Variants in GET1 observed in about 807,000 individuals in gnomAD.
The protein encoded by GET1 is congenital heart disease 5 protein.
A neutral mutation model predicts 22.6 loss-of-function variants in GET1; 20 were observed. The ratio of observed to expected loss-of-function variants is 0.89; its 90% confidence interval spans 0.62 to 1.29. The LOEUF is 1.29. Among genes scored for constraint, GET1 ranks in the 50% most tolerant of loss-of-function variants. GET1 has a pLI of 0.00. For missense variants in GET1, 209 were observed against 219.9 expected, an observed-to-expected ratio of 0.95 and a Z score of 0.31; for synonymous variants, 92 against 83.8, an observed-to-expected ratio of 1.10 and a Z score of -0.53.
At position 39,428,204 on chromosome 21, in the gene GET1, T is replaced by C. The variant is rs202237166; in HGVS notation, c.*24-28T>C. The C allele has an allele frequency of 1.1e-5, 17 of 1,597,418 alleles. No homozygotes were observed. The East Asian group carries it at 3.8e-4, about 36-fold the overall frequency. Reference sequence around the variant, plus strand: ...TTGGGAGATTTTAGAAACATTATACTTTTTCTTCTCCTTTTCTTTTACCAC... The same window carrying C: ...TTGGGAGATTTTAGAAACATTATACCTTTTCTTCTCCTTTTCTTTTACCAC... On this transcript the variant is annotated intron_variant, in intron 1 of 1. Coordinates refer to the GET1 transcript ENST00000478273.
At chr21:39,392,877 C>A in intron 3 of GET1, 24 of 341,652 alleles carry the variant, frequency 7.0e-5, no homozygotes, top group South Asian at 2.8e-4. Context: ...TGTGTTCATC[C>A]TAAAACAGTG....
At chr21:39,384,859 T>G (rs1268753165) in intron 1 of GET1, among the ~76,000 whole-genome samples, 2 of 152,124 alleles carry the variant, frequency 1.3e-5, no homozygotes, top group Admixed American at 1.3e-4. Context: ...CCCAGTTAGC[T>G]TTCCTAAACC....
chr21:39,392,148 T>C (rs551181679), intron 3 of GET1: 3 of 291,690 alleles, frequency 1.0e-5, no homozygotes, highest in Admixed American at 1.0e-4. Context: ...GCGAGAGGCT[T>C]ATAGATGACA....
At chr21:39,408,355 G>A (rs571590666), downstream of GET1, among the ~76,000 whole-genome samples, 12 of 152,294 alleles carry the variant, frequency 7.9e-5, no homozygotes, top group African/African-American at 2.9e-4. Flanking sequence ...TTTAAAACAT[G>A]ATGGAATTTA....
downstream of GET1, among the ~76,000 whole-genome samples, chr21:39,402,340 A>G (rs543664910): frequency 2.6e-5 from 4 of 152,298 alleles, no homozygotes; most frequent in South Asian, 4.1e-4. Flanking sequence ...CCTGGCCTCA[A>G]GTGATCTGCC....
chr21:39,416,492 AT>A (rs1408161371), intron 1 of GET1, among the ~76,000 whole-genome samples: 1 of 152,048 alleles, frequency 6.6e-6, no homozygotes, highest in Admixed American at 6.6e-5. Flanking sequence ...CAGACCTAGA[AT>A]TTTTTTAGGG....
chr21:39,407,150 C>A (rs918225548), downstream of GET1, among the ~76,000 whole-genome samples: 9 of 152,120 alleles, frequency 5.9e-5, no homozygotes, highest in Non-Finnish European at 1.2e-4. Flanking sequence ...TCACTTGAGC[C>A]CAGGAGGACA....
exon 2 of GET1, chr21:39,428,464 ATTTG>A: frequency 6.2e-7 from 1 of 1,608,418 alleles, no homozygotes; most frequent in Non-Finnish European, 8.5e-7. Flanking sequence ...GCTCATCTAT[ATTTG>A]TTTTTGTTAG....
intron 1 of GET1, chr21:39,423,546 T>A: frequency 7.1e-7 from 1 of 1,417,306 alleles, no homozygotes; most frequent in African/African-American, 1.4e-5. Flanking sequence ...TATGCAAATA[T>A]GCACATATGC....
chr21:39,382,593 C>T (rs2037622641), intron 1 of GET1, among the ~76,000 whole-genome samples: 1 of 152,188 alleles, frequency 6.6e-6, no homozygotes, highest in South Asian at 2.1e-4. Context: ...GTCAGGATTT[C>T]CTCCCCTTTT....
chr21:39,403,437 C>T (rs920884383), intron 4 of GET1, among the ~76,000 whole-genome samples: 1 of 151,968 alleles, frequency 6.6e-6, no homozygotes, highest in African/African-American at 2.4e-5. Context: ...CGCCATTCTC[C>T]CGCCTCAGCC....
downstream of GET1, among the ~76,000 whole-genome samples, chr21:39,398,189 G>T (rs1184673246): frequency 6.6e-6 from 1 of 152,168 alleles, no homozygotes; most frequent in Non-Finnish European, 1.5e-5. Flanking sequence ...GATACATTTT[G>T]CCCACAAAGG....
At chr21:39,392,734 A>T (rs1601627393) in intron 3 of GET1, among the ~76,000 whole-genome samples, 1 of 152,196 alleles carries the variant, frequency 6.6e-6, no homozygotes, top group African/African-American at 2.4e-5. Flanking sequence ...TTTTCCAAGG[A>T]TGGCTTTCGT....
downstream of GET1, among the ~76,000 whole-genome samples, chr21:39,409,371 G>A (rs113495662): frequency 4.4e-3 from 664 of 152,146 alleles, 7 homozygotes; most frequent in African/African-American, 0.016. This position sits in a 1 kb window ranked among gnomAD's most constrained non-coding sequence, Gnocchi z 4.2. Context: ...GGCAGCCCAA[G>A]CAGACGAATG....
downstream of GET1, chr21:39,409,919 T>C (rs967316231): frequency 7.3e-6 from 7 of 962,454 alleles, no homozygotes; most frequent in African/African-American, 1.2e-4. The surrounding 1 kb of genome is among the most constrained non-coding windows in gnomAD (Gnocchi z 4.2). Context: ...TATATACACA[T>C]ATAGTAATTC....
Position 39,390,695 on chromosome 21 carries a change from C to G in GET1, c.103-3C>G. The G allele has an allele frequency of 6.2e-7, 1 of 1,614,026 alleles. No homozygotes were observed. ...TGCTGATCCCCGTTGTCCGCCCTGC[C>G]AGATGTCCAGGGTGCTGCAGAAGGA... On this transcript the variant is annotated splice_polypyrimidine_tract_variant and splice_region_variant and intron_variant, in intron 1 of 4. Transcript: ENST00000649170.
At chr21:39,411,207 G>T (rs939377643), downstream of GET1, 2 of 260,222 alleles carry the variant, frequency 7.7e-6, no homozygotes, top group Admixed American at 1.0e-4. Context: ...TGGTTGCCTC[G>T]GGTGAGGTAG....
chr21:39,394,333 AAAAT>A (rs1164594113), intron 4 of GET1, among the ~76,000 whole-genome samples: 13 of 152,212 alleles, frequency 8.5e-5, no homozygotes, highest in Admixed American at 5.2e-4. Context: ...CAAATAAAAT[AAAAT>A]AAATAAAAAA....
intron 1 of GET1, among the ~76,000 whole-genome samples, chr21:39,424,605 G>T (rs574513039): frequency 6.6e-6 from 1 of 152,126 alleles, no homozygotes; most frequent in Non-Finnish European, 1.5e-5. Context: ...TATGTTATGG[G>T]TAATTAGAGT....
Sources: allele counts gnomAD v4.1 joint callset (sites outside exome capture counted in the v4.1 genomes callset), GRCh38; gene constraint gnomAD v4.1.1; non-coding constraint Gnocchi (gnomAD v3.1); transcripts MANE v1.5; gene names NCBI Gene and HGNC (gene_info 2026-07-23, HGNC 2026-07-21).